Variants in SRFBP1 observed in about 807,000 individuals in gnomAD.
SRFBP1 encodes serum response factor-binding protein 1.
Under a neutral mutation model 45.5 loss-of-function variants are expected in SRFBP1, and 47 were observed. That is an observed-to-expected ratio of 1.03 (90% confidence interval 0.82 to 1.32). SRFBP1 has a LOEUF of 1.32. SRFBP1 is among the 40% of genes most tolerant of loss of function. SRFBP1 has a pLI of 0.00. For synonymous variants in SRFBP1, 203 were observed against 166.3 expected (o/e 1.22, Z -1.70); for missense variants, 621 against 484.6 (o/e 1.28, Z -2.64).
rs1325526674 is a variant in SRFBP1, at chr5:122,026,928, C to T, written c.1106-14C>T. The T allele has an allele frequency of 3.2e-6, 5 of 1,579,890 alleles. No homozygotes were observed. Among genetic ancestry groups the T allele is most frequent in the Non-Finnish European group, 4.3e-6 (5 of 1,161,844 alleles). On this transcript the variant is annotated splice_polypyrimidine_tract_variant and intron_variant, in intron 7 of 7. Transcript: ENST00000339397. Reference sequence around the variant, plus strand: ...AAGTATATAGTTATTATTATTTTTGCTTTCTCTTCCTAGATTTTCCACAGA... The same window carrying T: ...AAGTATATAGTTATTATTATTTTTGTTTTCTCTTCCTAGATTTTCCACAGA...
intron 1 of SRFBP1, among the ~76,000 whole-genome samples, chr5:121,973,614 GT>G (rs200280904): frequency 2.9e-4 from 42 of 142,742 alleles, no homozygotes; most frequent in Non-Finnish European, 3.7e-4. Context: ...GCATGTGTGT[GT>G]GGGGGGGGGG....
At chr5:121,981,742 T>C (rs549115358) in intron 3 of SRFBP1, among the ~76,000 whole-genome samples, 40 of 152,112 alleles carry the variant, frequency 2.6e-4, no homozygotes, top group Admixed American at 1.6e-3. Context: ...TCTGCTCTAA[T>C]CCCAGAAGAA....
At chr5:122,053,506 T>C (rs1754025384) in intron 2 of SRFBP1, among the ~76,000 whole-genome samples, 2 of 152,094 alleles carry the variant, frequency 1.3e-5, no homozygotes, top group South Asian at 4.1e-4. Context: ...GGCCAGAAGC[T>C]CTAGCAGGCA....
chr5:122,014,090 C>G (rs1753147359), intron 4 of SRFBP1, among the ~76,000 whole-genome samples: 1 of 152,096 alleles, frequency 6.6e-6, no homozygotes, highest in Non-Finnish European at 1.5e-5. Context: ...GGTAATTACT[C>G]TGATTTGATG....
At chr5:122,031,463 A>G (rs1334604443), downstream of SRFBP1, among the ~76,000 whole-genome samples, 1 of 152,240 alleles carries the variant, frequency 6.6e-6, no homozygotes, top group Non-Finnish European at 1.5e-5. Flanking sequence ...TGAAAACGCT[A>G]TTTTAAATAT....
At chr5:121,970,319 A>G (rs1283903412) in intron 1 of SRFBP1, among the ~76,000 whole-genome samples, 1 of 152,106 alleles carries the variant, frequency 6.6e-6, no homozygotes, top group Admixed American at 6.6e-5. Flanking sequence ...GAATGTAACC[A>G]AGGACCAACT....
intron 3 of SRFBP1, among the ~76,000 whole-genome samples, chr5:121,975,657 C>G (rs1470374104): frequency 4.6e-5 from 7 of 151,940 alleles, no homozygotes; most frequent in African/African-American, 1.2e-4. Context: ...AATAATGCCT[C>G]CTGCCTCAGG....
chr5:122,075,295 T>C, intron 2 of SRFBP1: 5 of 967,888 alleles, frequency 5.2e-6, no homozygotes, highest in Admixed American at 2.6e-5. Context: ...ATATAAGTAA[T>C]AGCAATTTTC....
rs186327939 is a variant in SRFBP1, at chr5:122,020,219, G to A, written c.484G>A (p.Ala162Thr). The change falls in exon 6 of 8, where the codon GCA becomes ACA. Residue 162 changes from alanine (A) to threonine (T), a missense_variant. Coordinates refer to ENST00000339397, the MANE Select transcript of SRFBP1 (RefSeq NM_152546.3). ...TAATGGAAGTAATTTACAGCGTGAA[G>A]CAACTGTCATCAGTGAGCAAAAAGT... ...NDNGSNLQREATVISEQKVKE... is the reference protein window; with the variant it reads ...NDNGSNLQRETTVISEQKVKE... 2 of 1,613,518 alleles carry A rather than the reference G, an allele frequency of 1.2e-6. No individual in the cohort carries two copies. Among genetic ancestry groups the A allele is most frequent in the Non-Finnish European group, 1.7e-6 (2 of 1,179,820 alleles).
intron 4 of SRFBP1, among the ~76,000 whole-genome samples, chr5:121,998,069 C>T (rs575415403): frequency 2.7e-4 from 41 of 152,204 alleles, no homozygotes; most frequent in African/African-American, 9.4e-4. Context: ...GTTGGTGGGA[C>T]TGTAAACTTA....
chr5:122,048,528 A>C (rs1453309078), intron 2 of SRFBP1, among the ~76,000 whole-genome samples: 3 of 152,130 alleles, frequency 2.0e-5, no homozygotes, highest in Admixed American at 2.0e-4. Flanking sequence ...TGTCTGTGTC[A>C]GGCTTTGGTA....
intron 3 of SRFBP1, among the ~76,000 whole-genome samples, chr5:121,988,807 C>A (rs1260765273): frequency 6.6e-6 from 1 of 152,188 alleles, no homozygotes; most frequent in Non-Finnish European, 1.5e-5. Context: ...ACAGGCCTTT[C>A]TCAAGTATGT....
At chr5:122,051,519 C>CTT (rs560355488) in intron 2 of SRFBP1, among the ~76,000 whole-genome samples, 19 of 142,450 alleles carry the variant, frequency 1.3e-4, no homozygotes, top group African/African-American at 4.3e-4. Flanking sequence ...CCTTCTTTAT[C>CTT]TTTTTTTTTT....
At chr5:121,992,701 G>A (rs1321157741) in intron 3 of SRFBP1, among the ~76,000 whole-genome samples, 1 of 151,994 alleles carries the variant, frequency 6.6e-6, no homozygotes, top group African/African-American at 2.4e-5. Context: ...CATACTACTA[G>A]AACTACAAAT....
At chr5:121,981,501 C>T (rs931827048) in intron 3 of SRFBP1, among the ~76,000 whole-genome samples, 13 of 150,188 alleles carry the variant, frequency 8.7e-5, no homozygotes, top group African/African-American at 3.2e-4. Context: ...CCTTTGTGAT[C>T]TGTACTCTGG....
chr5:122,055,602 G>T (rs1398199033), intron 2 of SRFBP1, among the ~76,000 whole-genome samples: 1 of 151,888 alleles, frequency 6.6e-6, no homozygotes, highest in Non-Finnish European at 1.5e-5. Flanking sequence ...ACCAATAAAA[G>T]ATATTTTTTC....
At chr5:122,031,890 A>G (rs1232582569), downstream of SRFBP1, among the ~76,000 whole-genome samples, 1 of 152,234 alleles carries the variant, frequency 6.6e-6, no homozygotes, top group Non-Finnish European at 1.5e-5. Context: ...AACACACAAT[A>G]TGGTTCCACT....
chr5:122,076,934 C>G, downstream of SRFBP1: 1 of 1,613,876 alleles, frequency 6.2e-7, no homozygotes. Context: ...TCAGGTTGTA[C>G]ATGGACATCT....
At chr5:122,014,745 G>T (rs1220694798) in intron 4 of SRFBP1, among the ~76,000 whole-genome samples, 2 of 152,090 alleles carry the variant, frequency 1.3e-5, no homozygotes, top group Admixed American at 1.3e-4. Flanking sequence ...ATGATAAAAT[G>T]ACTCTTAACA....
Sources: allele counts gnomAD v4.1 joint callset (sites outside exome capture counted in the v4.1 genomes callset), GRCh38; gene constraint gnomAD v4.1.1; transcripts MANE v1.5; gene names NCBI Gene and HGNC (gene_info 2026-07-23, HGNC 2026-07-21).